Variants in ZSWIM6 observed in about 807,000 individuals in gnomAD.
ZSWIM6 encodes the protein zinc finger SWIM-type containing 6.
ZSWIM6 carries 9 observed loss-of-function variants against 113.2 expected under a neutral mutation model. The ratio of observed to expected loss-of-function variants is 0.08; its 90% CI spans 0.05 to 0.14. The LOEUF is 0.14. Ranked by LOEUF, ZSWIM6 falls within the 10% of genes least tolerant of loss-of-function variation. The pLI is 1.00. For missense variants in ZSWIM6, 1,162 were observed against 1,552.2 expected, an observed-to-expected ratio of 0.75 and a Z score of 4.22; for synonymous variants, 611 against 606.5, an observed-to-expected ratio of 1.01 and a Z score of -0.11.
intron 1 of ZSWIM6, among the ~76,000 whole-genome samples, chr5:61,359,996 CAG>C (rs146077379): frequency 5.7e-3 from 829 of 145,982 alleles, no homozygotes; most frequent in Admixed American, 6.2e-3. Flanking sequence ...ACCAGAAAAG[CAG>C]AGAGAGAGAG....
chr5:61,335,840 AAG>A (rs1249108201), intron 1 of ZSWIM6, among the ~76,000 whole-genome samples: 1 of 152,250 alleles, frequency 6.6e-6, no homozygotes, highest in African/African-American at 2.4e-5. Flanking sequence ...ATATTTTAAA[AAG>A]AAATTTAAGG....
At chr5:61,445,520 G>T (rs1427326697) in intron 1 of ZSWIM6, among the ~76,000 whole-genome samples, 1 of 152,120 alleles carries the variant, frequency 6.6e-6, no homozygotes, top group Non-Finnish European at 1.5e-5. Flanking sequence ...AAAATCATTG[G>T]AAAGTACAAA....
intron 1 of ZSWIM6, among the ~76,000 whole-genome samples, chr5:61,360,373 G>A (rs1296096226): frequency 6.6e-6 from 1 of 152,224 alleles, no homozygotes; most frequent in Non-Finnish European, 1.5e-5. Context: ...ATGCGGAGAA[G>A]AATTGAGAAC....
intron 1 of ZSWIM6, among the ~76,000 whole-genome samples, chr5:61,336,230 C>T (rs1744391489): frequency 6.6e-6 from 1 of 152,094 alleles, no homozygotes; most frequent in Non-Finnish European, 1.5e-5. Context: ...TACCATTGCA[C>T]TCCAGCCTGG....
intron 1 of ZSWIM6, among the ~76,000 whole-genome samples, chr5:61,348,567 A>C (rs1561201735): frequency 1.3e-5 from 2 of 152,090 alleles, no homozygotes; most frequent in Admixed American, 6.5e-5. Context: ...CGTTTCAGGG[A>C]TTTATTGGCT....
intron 4 of ZSWIM6, among the ~76,000 whole-genome samples, chr5:61,504,840 C>A (rs1263753136): frequency 1.3e-5 from 2 of 152,136 alleles, no homozygotes; most frequent in African/African-American, 4.8e-5. Context: ...TAACAAGAAT[C>A]TGCTGTTTAT....
At chr5:61,516,450 A>G (rs1748942229) in intron 4 of ZSWIM6, among the ~76,000 whole-genome samples, 1 of 146,364 alleles carries the variant, frequency 6.8e-6, no homozygotes, top group African/African-American at 2.5e-5. Context: ...ATACATATAT[A>G]TATATATAAA....
chr5:61,516,661 A>G (rs1748953052), intron 4 of ZSWIM6, among the ~76,000 whole-genome samples: 1 of 151,452 alleles, frequency 6.6e-6, no homozygotes, highest in South Asian at 2.1e-4. Context: ...AATGGTGCTT[A>G]AATTCTTGCT....
chr5:61,430,888 T>C (rs535633623), intron 1 of ZSWIM6, among the ~76,000 whole-genome samples: 1 of 152,332 alleles, frequency 6.6e-6, no homozygotes, highest in African/African-American at 2.4e-5. Flanking sequence ...AATGATGGCT[T>C]ATGTTTTAAA....
intron 1 of ZSWIM6, among the ~76,000 whole-genome samples, chr5:61,338,164 GTTT>G (rs10559419): frequency 8.3e-5 from 12 of 145,266 alleles, no homozygotes; most frequent in African/African-American, 2.5e-4. Flanking sequence ...AGTTTTGTGT[GTTT>G]TTTTTTTTTG....
chr5:61,522,740 A>C (rs1749165342), intron 5 of ZSWIM6, among the ~76,000 whole-genome samples: 1 of 152,230 alleles, frequency 6.6e-6, no homozygotes, highest in South Asian at 2.1e-4. Flanking sequence ...CCAGGTGCTC[A>C]GAATTTTTAA....
chr5:61,483,016 G>C (rs1299167487), intron 2 of ZSWIM6, among the ~76,000 whole-genome samples: 1 of 151,862 alleles, frequency 6.6e-6, no homozygotes, highest in African/African-American at 2.4e-5. Context: ...CCAACTTAAT[G>C]TATCCATTCA....
intron 1 of ZSWIM6, chr5:61,375,020 T>A: frequency 8.7e-7 from 1 of 1,150,032 alleles, no homozygotes; most frequent in Non-Finnish European, 1.3e-6. Context: ...AGAAGAGTAA[T>A]GAGAGGTGGG....
rs1172749812 is a variant in ZSWIM6, at chr5:61,514,724, ATGT to A, written c.1334-6532_1334-6530del. 4.6e-5 allele frequency among the ~76,000 whole-genome samples: 7 copies of A among 152,004 alleles called. No homozygotes were observed. The East Asian group carries it at 5.8e-4, about 13-fold the overall frequency. On this transcript the variant is annotated intron_variant, in intron 4 of 13. Transcript: ENST00000252744. ...GCTTTGCATTCCTGTGATAAACCCT[ATGT>A]TGTTGTGTATTTTCCTTTTCTGATA... is the stretch of plus-strand genomic sequence containing the variant.
chr5:61,437,447 G>T (rs933385070), intron 1 of ZSWIM6, among the ~76,000 whole-genome samples: 7 of 152,102 alleles, frequency 4.6e-5, no homozygotes, highest in Admixed American at 3.9e-4. Flanking sequence ...TCCAGGCCGG[G>T]TGCGGTGGCT....
At chr5:61,476,156 C>G (rs1261747977) in intron 2 of ZSWIM6, among the ~76,000 whole-genome samples, 1 of 151,936 alleles carries the variant, frequency 6.6e-6, no homozygotes, top group Admixed American at 6.6e-5. Context: ...CCCCTTTTTC[C>G]TTGTGAACTT....
chr5:61,333,085 A>C, intron 1 of ZSWIM6, 137 bp downstream of exon 1: 2 of 954,388 alleles, frequency 2.1e-6, no homozygotes, highest in Non-Finnish European at 1.3e-6. Flanking sequence ...ACTGGCCCGG[A>C]CGGTCCTCCT....
At chr5:61,375,442 A>C in intron 1 of ZSWIM6, 1 of 1,525,536 alleles carries the variant, frequency 6.6e-7, no homozygotes, top group Non-Finnish European at 8.9e-7. Flanking sequence ...TTCTTCATCA[A>C]GCTCTGATTC....
intron 5 of ZSWIM6, among the ~76,000 whole-genome samples, chr5:61,523,532 A>T (rs1424704044): frequency 6.6e-6 from 1 of 152,194 alleles, no homozygotes; most frequent in African/African-American, 2.4e-5. Context: ...AGCATGTATT[A>T]CTATTTTGTG....
Sources: allele counts gnomAD v4.1 joint callset (sites outside exome capture counted in the v4.1 genomes callset), GRCh38; gene constraint gnomAD v4.1.1; transcripts MANE v1.5; gene names NCBI Gene and HGNC (gene_info 2026-07-23, HGNC 2026-07-21).